Variants in AAK1 observed in about 807,000 individuals in gnomAD.
The protein encoded by AAK1 is AP2-associated protein kinase 1.
In AAK1, 37 loss-of-function variants were observed where a neutral mutation model predicts 116.0. The observed-to-expected ratio is 0.32, with a 90% CI of 0.25 to 0.42. AAK1 has a LOEUF of 0.42. Among genes scored for constraint, AAK1 ranks in the 10% least tolerant of loss-of-function variants. The pLI, the probability that AAK1 is intolerant of heterozygous loss-of-function variation, is 1.00. For synonymous variants in AAK1, 458 were observed against 439.9 expected, an observed-to-expected ratio of 1.04 and a Z score of -0.51; for missense variants, 919 against 1,170.6, an observed-to-expected ratio of 0.79 and a Z score of 3.14.
chr2:69,534,930 G>T (rs1426173497), intron 5 of AAK1, among the ~76,000 whole-genome samples: 1 of 152,166 alleles, frequency 6.6e-6, no homozygotes, highest in Non-Finnish European at 1.5e-5. Context: ...GCCTTCCCAA[G>T]TAAGAATACA....
At chr2:69,520,584 G>A (rs1023298554) in intron 11 of AAK1, among the ~76,000 whole-genome samples, 17 of 151,870 alleles carry the variant, frequency 1.1e-4, no homozygotes, top group Non-Finnish European at 2.1e-4. Flanking sequence ...GGCTGGTCTC[G>A]AAATCGAACT....
Position 69,587,087 on chromosome 2 carries a change from A to T in AAK1, c.164-30109T>A, listed in dbSNP as rs147542063. On this transcript the variant is annotated intron_variant, in intron 2 of 21. Coordinates refer to ENST00000409085, the MANE Select transcript of AAK1 (RefSeq NM_014911.5). The stretch of plus-strand genomic sequence containing the variant: ...GCCTCATTTCTTTTCTTTAAAAAAA[A>T]ACTTTTTTTTTTTTAAAGACAGGGT... Among the ~76,000 whole-genome samples, 1,289 of 151,970 alleles carry T rather than the reference A, an allele frequency of 8.5e-3. 15 individuals carry two copies. The highest frequency in any genetic ancestry group is 0.03 in the African/African-American group (1,235 of 41,450).
intron 12 of AAK1, among the ~76,000 whole-genome samples, chr2:69,517,290 C>G (rs749536263): frequency 6.6e-5 from 10 of 152,070 alleles, no homozygotes; most frequent in Non-Finnish European, 1.0e-4. Context: ...GAAAAAATTT[C>G]TTCATGGAAA....
At chr2:69,617,957 G>A (rs1015908266) in intron 2 of AAK1, among the ~76,000 whole-genome samples, 6 of 152,218 alleles carry the variant, frequency 3.9e-5, no homozygotes, top group Non-Finnish European at 8.8e-5. Flanking sequence ...ATTCAGGGAA[G>A]TGGTCCTTCA....
chr2:69,606,651 T>C (rs1327192158), intron 2 of AAK1, among the ~76,000 whole-genome samples: 2 of 152,242 alleles, frequency 1.3e-5, no homozygotes, highest in Non-Finnish European at 2.9e-5. Context: ...GACTACTGCA[T>C]GACAAGCACC....
intron 21 of AAK1, 100 bp downstream of exon 21, chr2:69,476,780 T>TTA (rs1674873898): frequency 1.3e-5 from 10 of 764,844 alleles, no homozygotes; most frequent in Admixed American, 2.4e-5. Context: ...TGTCCTTCAT[T>TTA]AAATGTTGAT....
chr2:69,526,944 G>A (rs1390533634), intron 9 of AAK1, among the ~76,000 whole-genome samples: 2 of 152,192 alleles, frequency 1.3e-5, no homozygotes, highest in Non-Finnish European at 2.9e-5. Context: ...AGAGTTGACA[G>A]ACATGAAGTT....
intron 13 of AAK1, among the ~76,000 whole-genome samples, chr2:69,511,529 T>C (rs1676395638): frequency 6.6e-6 from 1 of 152,218 alleles, no homozygotes; most frequent in Non-Finnish European, 1.5e-5. Context: ...CTGTAACAGC[T>C]GGCTGAATAC....
At chr2:69,579,351 G>A (rs954375301) in intron 2 of AAK1, among the ~76,000 whole-genome samples, 1 of 152,116 alleles carries the variant, frequency 6.6e-6, no homozygotes, top group Non-Finnish European at 1.5e-5. Context: ...AGGCCGAGGT[G>A]GGAGAACTGC....
chr2:69,517,950 A>AC (rs1366939801), intron 12 of AAK1, among the ~76,000 whole-genome samples: 3 of 152,006 alleles, frequency 2.0e-5, no homozygotes, highest in Non-Finnish European at 4.4e-5. Context: ...AAATAACGAG[A>AC]CCCCCATTTC....
intron 2 of AAK1, among the ~76,000 whole-genome samples, chr2:69,603,080 T>C (rs147726306): frequency 5.9e-5 from 9 of 152,288 alleles, no homozygotes; most frequent in Admixed American, 1.3e-4. Context: ...AGAAATTCAT[T>C]AAAATAATTT....
chr2:69,563,710 A>C (rs182740850), intron 2 of AAK1, among the ~76,000 whole-genome samples: 31 of 152,306 alleles, frequency 2.0e-4, no homozygotes, highest in Non-Finnish European at 4.1e-4. Flanking sequence ...TTCTCTTTTA[A>C]AATAAGGTGA....
At position 69,460,292 on chromosome 2, in the gene AAK1, T is replaced by C. The variant is rs1674308117; in HGVS notation, c.*15577A>G. On this transcript the variant is annotated 3_prime_UTR_variant, in exon 22 of 22. Transcript: ENST00000409085. ...CTGCTAGAGAATGAATTGAGTAGCA[T>C]CCTTCTCTAATTTCCTACAATAAAA... 6.6e-6 allele frequency: 1 copy of C among 152,648 alleles called. No individual in the cohort carries two copies. The highest frequency in any genetic ancestry group is 1.5e-5 in the Non-Finnish European group (1 of 68,046). The allele number at this position is 152,648 out of a possible 1,614,324, so 9.5% of individuals were successfully genotyped here. A position where few individuals can be genotyped will look rare whatever the true frequency, so the allele number is the denominator to read the frequency against.
At chr2:69,574,192 G>C (rs1262286304) in intron 2 of AAK1, among the ~76,000 whole-genome samples, 1 of 151,338 alleles carries the variant, frequency 6.6e-6, no homozygotes, top group Admixed American at 6.6e-5. Flanking sequence ...GGCCAACAGT[G>C]AAACCCCATC....
intron 16 of AAK1, among the ~76,000 whole-genome samples, chr2:69,502,270 T>G (rs530520045): frequency 6.6e-6 from 1 of 152,188 alleles, no homozygotes; most frequent in South Asian, 2.1e-4. Context: ...ACAAAATGAA[T>G]CTAAAAGGCA....
rs147120390 is a variant in AAK1 at position 69,636,697 on chromosome 2, T to G, written c.163+6181A>C. 1.9e-3 allele frequency among the ~76,000 whole-genome samples: 287 copies of G among 149,390 alleles called. 1 individual carries two copies. Among genetic ancestry groups the G allele is most frequent in the African/African-American group, 7.1e-3 (281 of 39,726 alleles). On this transcript the variant is annotated intron_variant, in intron 2 of 21. Transcript: ENST00000409085. ...ACTGCTATTTTAGATAATTTATTTTTTCTTTTTCTTTTTTTTTTTTGAGAC... is the reference window on the plus strand; with the variant it reads ...ACTGCTATTTTAGATAATTTATTTTGTCTTTTTCTTTTTTTTTTTTGAGAC...
At chr2:69,617,713 G>A (rs1674401315) in intron 2 of AAK1, among the ~76,000 whole-genome samples, 1 of 152,202 alleles carries the variant, frequency 6.6e-6, no homozygotes, top group Non-Finnish European at 1.5e-5. Context: ...TGTAAAAGAA[G>A]TGAACAGACA....
chr2:69,466,600 A>T lies in AAK1; in HGVS notation c.*9269T>A, dbSNP rs927564415. 2.7e-6 allele frequency: 3 copies of T among 1,126,946 alleles called. No homozygotes were observed. The African/African-American group carries it at 4.9e-5, about 18-fold the overall frequency. The allele number at this position is 1,126,946 out of a possible 1,614,324, so 69.8% of individuals were successfully genotyped here. ...TTAATGTGTAGGTCAATTCAACTCT[A>T]TTTGGAACATTTAATGGTCAACCCG... is the stretch of plus-strand genomic sequence containing the variant. On this transcript the variant is annotated 3_prime_UTR_variant, in exon 22 of 22. Transcript: ENST00000409085.
chr2:69,465,186 C>T lies in AAK1; in HGVS notation c.*10683G>A. 3.4e-6 allele frequency: 1 copy of T among 292,568 alleles called. No homozygotes were observed. Among genetic ancestry groups the T allele is most frequent in the Admixed American group, 5.0e-5 (1 of 20,016 alleles). 18.1% of individuals were successfully genotyped at this position (292,568 alleles called of 1,614,324 possible). ...CTCTGTGAAGGAGATGAAAATGCCT[C>T]CAAGTCCAGAAATCAATATAAACAA... On this transcript the variant is annotated 3_prime_UTR_variant, in exon 22 of 22. Coordinates refer to ENST00000409085, the MANE Select transcript of AAK1 (RefSeq NM_014911.5).
Sources: gnomAD v4.1 joint callset for allele counts (sites outside exome capture counted in the v4.1 genomes callset) on GRCh38, gnomAD v4.1.1 for gene constraint, MANE v1.5 for transcripts, NCBI Gene and HGNC (gene_info 2026-07-23, HGNC 2026-07-21) for gene names.